Variants in MGST1 observed in about 807,000 individuals in gnomAD.
MGST1 encodes the protein microsomal glutathione S-transferase 1.
A neutral mutation model predicts 8.9 loss-of-function variants in MGST1; 5 were observed. That is an observed-to-expected ratio of 0.56 (90% CI 0.29 to 1.19). The LOEUF is 1.19. Ranked by LOEUF, MGST1 falls within the 50% of genes most tolerant of loss-of-function variation. The pLI is 0.08. For synonymous variants in MGST1, 54 were observed against 67.8 expected, an observed-to-expected ratio of 0.80 and a Z score of 1.00; for missense variants, 182 against 187.4, an observed-to-expected ratio of 0.97 and a Z score of 0.17.
chr12:16,369,653 T>G lies in MGST1; in HGVS notation c.222-6469T>G, dbSNP rs1453902545. 1 of 152,184 alleles carries G rather than the reference T, an allele frequency of 6.6e-6. No homozygotes were observed. Among genetic ancestry groups the G allele is most frequent in the Non-Finnish European group, 1.5e-5 (1 of 68,030 alleles). The allele number at this position is 152,184 out of a possible 1,614,324, so 9.4% of individuals were successfully genotyped here. On this transcript the variant is annotated intron_variant, in intron 3 of 3. Coordinates refer to the MGST1 transcript ENST00000535309. The surrounding 1 kb of genome is among the most constrained non-coding windows in gnomAD (Gnocchi z 4.8). The stretch of plus-strand genomic sequence containing the variant: ...TTTATATTTCCTGCAACTGCTTTTG[T>G]GTCACAATGGCAGAGTGGCGTAGTT...
rs1941849776 is a variant in MGST1, at chr12:16,547,961, T to C, written n.483-41567T>C. 2.0e-5 allele frequency among the ~76,000 whole-genome samples: 3 copies of C among 152,176 alleles called. No homozygotes were observed. The South Asian group carries it at 6.2e-4, about 32-fold the overall frequency. On this transcript the variant is annotated intron_variant and non_coding_transcript_variant, in intron 4 of 4. Coordinates refer to the MGST1 transcript ENST00000538857. The surrounding 1 kb of genome is among the most constrained non-coding windows in gnomAD (Gnocchi z 4.6). The stretch of plus-strand genomic sequence containing the variant: ...GTTTTACTACAGATATAATTTTCAG[T>C]GCCCTGTTTCAGTTAAGGTGCAACA...
chr12:16,449,911 T>C (rs1941115781), intron 4 of MGST1, among the ~76,000 whole-genome samples: 1 of 151,888 alleles, frequency 6.6e-6, no homozygotes, highest in African/African-American at 2.4e-5. Context: ...GGAACTTTTA[T>C]TGAGTGGTGA....
intron 1 of MGST1, among the ~76,000 whole-genome samples, chr12:16,414,410 T>TTTTA (rs1940768457): frequency 6.7e-6 from 1 of 149,458 alleles, no homozygotes; most frequent in African/African-American, 2.5e-5. Context: ...TTTTTTTATT[T>TTTTA]TTTATTTATT....
chr12:16,532,193 AGTT>A (rs1465204928), intron 4 of MGST1, among the ~76,000 whole-genome samples: 2 of 152,112 alleles, frequency 1.3e-5, no homozygotes, highest in East Asian at 3.9e-4. Flanking sequence ...TGCATCTTAA[AGTT>A]GTTTTTCTTC....
intron 1 of MGST1, among the ~76,000 whole-genome samples, chr12:16,415,856 G>A (rs74400352): frequency 0.038 from 5,805 of 152,140 alleles, 176 homozygotes; most frequent in Non-Finnish European, 0.051. Context: ...GAAATGGCAG[G>A]AATGGCTTGC....
rs1940034663 is a variant in MGST1 at position 16,362,277 on chromosome 12, G to A, written c.222-1518G>A. ...CTTGTATTGCTCCATGAAAGAGAGG[G>A]CACAGGAACACTCACACCATCCTCT... On this transcript the variant is annotated intron_variant, in intron 3 of 3. Coordinates refer to ENST00000396210, the MANE Select transcript of MGST1 (RefSeq NM_020300.5). The surrounding 1 kb of genome is among the most constrained non-coding windows in gnomAD (Gnocchi z 4.4). Among the ~76,000 whole-genome samples the A allele has an allele frequency of 6.6e-6, 1 of 152,110 alleles. No individual in the cohort carries two copies. Among genetic ancestry groups the A allele is most frequent in the South Asian group, 2.1e-4 (1 of 4,818 alleles).
chr12:16,473,744 G>A (rs1034652539), intron 4 of MGST1, among the ~76,000 whole-genome samples: 1 of 152,040 alleles, frequency 6.6e-6, no homozygotes, highest in African/African-American at 2.4e-5. Flanking sequence ...GGCCGTGTGC[G>A]ACAGCTCACA....
At chr12:16,508,068 T>C (rs923878898) in intron 4 of MGST1, among the ~76,000 whole-genome samples, 1 of 152,098 alleles carries the variant, frequency 6.6e-6, no homozygotes, top group African/African-American at 2.4e-5. Context: ...GAAGAAGGGA[T>C]CTCTTTATGT....
chr12:16,448,269 AAAG>A (rs1410225172), intron 4 of MGST1, among the ~76,000 whole-genome samples: 1 of 151,916 alleles, frequency 6.6e-6, no homozygotes, highest in Non-Finnish European at 1.5e-5. Context: ...TATAATTAAC[AAAG>A]AAGAGATTGT....
intron 4 of MGST1, among the ~76,000 whole-genome samples, chr12:16,535,681 A>C (rs949178467): frequency 6.6e-6 from 1 of 152,196 alleles, no homozygotes; most frequent in Non-Finnish European, 1.5e-5. Flanking sequence ...CAACAATATA[A>C]ATCGTGGTCC....
At chr12:16,386,584 TAA>T (rs1402173527) in intron 1 of MGST1, among the ~76,000 whole-genome samples, 1 of 152,208 alleles carries the variant, frequency 6.6e-6, no homozygotes, top group Non-Finnish European at 1.5e-5. Context: ...AGCTAGCTTT[TAA>T]AAAATAGTTT....
chr12:16,360,407 T>C lies in MGST1; in HGVS notation c.221+2708T>C, dbSNP rs144749663. 5,217 of 969,330 alleles carry C rather than the reference T, an allele frequency of 5.4e-3. 19 individuals are homozygous for C. The highest frequency in any genetic ancestry group is 6.0e-3 in the Non-Finnish European group (4,897 of 815,266). 60.0% of individuals were successfully genotyped at this position (969,330 alleles called of 1,614,324 possible). A position where few individuals can be genotyped will look rare whatever the true frequency, so the allele number is the denominator to read the frequency against. ...CGTGTGCAACAATTGTGAAAGTTAA[T>C]ACATACACATATGGAACAATTAACT... On this transcript the variant is annotated intron_variant, in intron 3 of 3. Transcript: ENST00000396210.
chr12:16,492,550 G>C (rs987770935), intron 4 of MGST1, among the ~76,000 whole-genome samples: 2 of 152,126 alleles, frequency 1.3e-5, no homozygotes, highest in Non-Finnish European at 2.9e-5. Context: ...GCTTAGGAGA[G>C]AAATTAGTCA....
chr12:16,459,949 C>A (rs955550702), intron 4 of MGST1, among the ~76,000 whole-genome samples: 1 of 152,044 alleles, frequency 6.6e-6, no homozygotes, highest in Non-Finnish European at 1.5e-5. Flanking sequence ...AATCTGAATG[C>A]TACATTTTAA....
chr12:16,476,121 A>G (rs1250896937), intron 4 of MGST1, among the ~76,000 whole-genome samples: 5 of 152,174 alleles, frequency 3.3e-5, no homozygotes, highest in African/African-American at 1.2e-4. Context: ...GACAATAAAA[A>G]AAGTGGAAAG....
chr12:16,440,289 A>T (rs1179188039), downstream of MGST1, among the ~76,000 whole-genome samples: 1 of 151,778 alleles, frequency 6.6e-6, no homozygotes, highest in African/African-American at 2.4e-5. Context: ...TAAAGCGTAT[A>T]AACCTTGGGT....
Position 16,513,407 on chromosome 12 carries a change from T to C in MGST1, n.483-76121T>C, listed in dbSNP as rs1591748877. 1.3e-5 allele frequency: 5 copies of C among 389,756 alleles called. No individual in the cohort carries two copies. The highest frequency in any genetic ancestry group is 9.9e-5 in the South Asian group (5 of 50,482). 24.1% of individuals were successfully genotyped at this position (389,756 alleles called of 1,614,324 possible). A position where few individuals can be genotyped will look rare whatever the true frequency, so the allele number is the denominator to read the frequency against. On this transcript the variant is annotated intron_variant and non_coding_transcript_variant, in intron 4 of 4. Transcript: ENST00000538857. The surrounding 1 kb of genome is among the most constrained non-coding windows in gnomAD (Gnocchi z 4.2). ...ACCGTCCACCATGGCTCCTCTGCGC[T>C]CCAGCTGCGTCGTCTCCGGGATCGC...
intron 4 of MGST1, among the ~76,000 whole-genome samples, chr12:16,512,641 C>T (rs1024180420): frequency 2.6e-5 from 4 of 152,128 alleles, no homozygotes; most frequent in East Asian, 1.9e-4. Flanking sequence ...ATATAGACAT[C>T]GCAGACAAAA....
chr12:16,430,839 G>A (rs186818016), intron 1 of MGST1, among the ~76,000 whole-genome samples: 36 of 152,260 alleles, frequency 2.4e-4, no homozygotes, highest in East Asian at 5.8e-4. Context: ...CAGCGAGCCC[G>A]TCCTTTGAAG....
Sources: allele counts gnomAD v4.1 joint callset (sites outside exome capture counted in the v4.1 genomes callset), GRCh38; gene constraint gnomAD v4.1.1; non-coding constraint Gnocchi (gnomAD v3.1); transcripts MANE v1.5; gene names NCBI Gene and HGNC (gene_info 2026-07-23, HGNC 2026-07-21).